Variants in UNC13C observed in about 807,000 individuals in gnomAD.
The protein encoded by UNC13C is unc-13 homolog C, also known as protein unc-13 homolog C.
Under a neutral mutation model 245.4 loss-of-function variants are expected in UNC13C, and 174 were observed. That is an observed-to-expected ratio of 0.71 (90% confidence interval 0.63 to 0.80). UNC13C has a LOEUF of 0.80. Among genes scored for constraint, UNC13C ranks in the 30% least tolerant of loss-of-function variants. The probability of loss-of-function intolerance (pLI) is 0.00; values close to 1 mark genes in which losing one functional copy is unlikely to be tolerated. For synonymous variants in UNC13C, 992 were observed against 895.1 expected, an observed-to-expected ratio of 1.11 and a Z score of -1.93; for missense variants, 2,829 against 2,602.9, an observed-to-expected ratio of 1.09 and a Z score of -1.89.
intron 20 of UNC13C, among the ~76,000 whole-genome samples, chr15:54,498,355 T>C (rs1044294786): frequency 6.6e-6 from 1 of 152,034 alleles, no homozygotes; most frequent in African/African-American, 2.4e-5. Flanking sequence ...CACTGTAGAA[T>C]TAAGACACAA....
At chr15:54,400,882 T>C (rs472202) in intron 18 of UNC13C, among the ~76,000 whole-genome samples, 114,567 of 151,974 alleles carry the variant, frequency 0.75, 43,512 homozygotes, top group Admixed American at 0.82. Context: ...GTATGTCTCC[T>C]AATGTTAAGA....
At chr15:54,168,743 A>G (rs1884616612) in intron 4 of UNC13C, among the ~76,000 whole-genome samples, 3 of 152,324 alleles carry the variant, frequency 2.0e-5, no homozygotes, top group East Asian at 3.9e-4. Context: ...GAGTTCTAGG[A>G]TTATATTGGA....
chr15:54,013,857 G>C lies in UNC13C; in HGVS notation c.954G>C (p.Lys318Asn). The C allele has an allele frequency of 3.1e-6, 5 of 1,613,502 alleles. No homozygotes were observed. Among genetic ancestry groups the C allele is most frequent in the Non-Finnish European group, 3.4e-6 (4 of 1,179,722 alleles). The change falls in exon 2 of 33, where the codon AAG (lysine) becomes AAC (asparagine). Residue 318 changes from lysine to asparagine, a missense_variant. Transcript: ENST00000260323. ...YIKHLGHMGS[K>N]ASLRFLNVTE... is the part of the protein sequence containing the mutation. ...AGCACTTAGGTCATATGGGTAGCAA[G>C]GCAAGCCTGAGATTTTTAAATGTGA...
chr15:53,873,923 TCTTCCTTC>T, the UNC13C span, among the ~76,000 whole-genome samples: 745 of 47,592 alleles, frequency 0.016, 4 homozygotes, highest in Admixed American at 0.039. Context: ...TTCCTTCCTT[TCTTCCTTC>T]CTTCCTTCCT....
chr15:54,086,979 C>G (rs1288369920), intron 2 of UNC13C, among the ~76,000 whole-genome samples: 1 of 151,876 alleles, frequency 6.6e-6, no homozygotes, highest in Non-Finnish European at 1.5e-5. Context: ...CATGATCCAC[C>G]CACCTCAGCC....
At chr15:53,914,999 C>T in the UNC13C span, among the ~76,000 whole-genome samples, 2 of 152,096 alleles carry the variant, frequency 1.3e-5, no homozygotes, top group Non-Finnish European at 2.9e-5. Flanking sequence ...AAGAAGGGTG[C>T]CGGGGAATGT....
At chr15:54,324,879 C>T (rs965712891) in intron 14 of UNC13C, among the ~76,000 whole-genome samples, 2 of 152,008 alleles carry the variant, frequency 1.3e-5, no homozygotes, top group African/African-American at 2.4e-5. Context: ...ACCCACAGCC[C>T]GTGGGCCACA....
intron 17 of UNC13C, among the ~76,000 whole-genome samples, chr15:54,356,269 G>A (rs932667866): frequency 6.6e-6 from 1 of 152,092 alleles, no homozygotes; most frequent in Non-Finnish European, 1.5e-5. Flanking sequence ...TGGAACAAAT[G>A]TCATATAGAT....
At chr15:53,927,694 A>G in the UNC13C span, among the ~76,000 whole-genome samples, 1 of 152,284 alleles carries the variant, frequency 6.6e-6, no homozygotes. Flanking sequence ...TAGATTTGGG[A>G]GTCATCAGTA....
intron 19 of UNC13C, among the ~76,000 whole-genome samples, chr15:54,450,669 C>G (rs1240542618): frequency 6.6e-6 from 1 of 152,208 alleles, no homozygotes; most frequent in Non-Finnish European, 1.5e-5. Context: ...TGCGGTCTGT[C>G]ACAGCTTTGC....
intron 20 of UNC13C, among the ~76,000 whole-genome samples, chr15:54,499,674 T>A (rs979410140): frequency 7.9e-5 from 12 of 151,802 alleles, no homozygotes; most frequent in African/African-American, 2.7e-4. Flanking sequence ...AACTAAGGAG[T>A]CTGAGGTAAG....
In UNC13C at chr15:54,038,124, A is replaced by ATATATATATATTTTTTTTTT; in HGVS notation, c.2983+22239_2983+22240insATATATATATTTTTTTTTTT. 2.7e-4 allele frequency among the ~76,000 whole-genome samples: 12 copies of ATATATATATATTTTTTTTTT among 45,030 alleles called. 1 individual carries two copies. In the East Asian group the frequency reaches 3.2e-3, roughly 12 times the overall value. The allele number at this position is 45,030 out of a possible 152,430, so 29.5% of individuals were successfully genotyped here. ...CATATATATATATATATATATATATATTTTTTTTTTTTTTTTCCTGAGACA... is the reference window on the plus strand; with the variant it reads ...CATATATATATATATATATATATATATATATATATATTTTTTTTTTTTTTTTTTTTTTTTTTCCTGAGACA... On this transcript the variant is annotated intron_variant, in intron 2 of 32. Transcript: ENST00000260323.
intron 17 of UNC13C, among the ~76,000 whole-genome samples, chr15:54,368,147 G>C (rs1596291949): frequency 6.6e-6 from 1 of 152,116 alleles, no homozygotes; most frequent in East Asian, 1.9e-4. Flanking sequence ...TTACTAGCCA[G>C]AGTTTCTTAC....
At chr15:54,499,158 C>A (rs1894087437) in intron 20 of UNC13C, among the ~76,000 whole-genome samples, 1 of 151,990 alleles carries the variant, frequency 6.6e-6, no homozygotes, top group Admixed American at 6.6e-5. Flanking sequence ...TCAATCATGG[C>A]AAAAGGCAAA....
chr15:54,079,485 CTTTCATCATTGT>C (rs1377208728), intron 2 of UNC13C, among the ~76,000 whole-genome samples: 1 of 151,768 alleles, frequency 6.6e-6, no homozygotes, highest in African/African-American at 2.4e-5. Flanking sequence ...CTTATGATTT[CTTTCATCATTGT>C]TTTATGGTTC....
chr15:54,535,903 A>G (rs1251674761), intron 26 of UNC13C, among the ~76,000 whole-genome samples: 2 of 152,158 alleles, frequency 1.3e-5, no homozygotes, highest in Non-Finnish European at 2.9e-5. Context: ...GAAATTATCA[A>G]TTTAACAACC....
In UNC13C at chr15:54,384,515, A is replaced by G. The variant is rs114699465; in HGVS notation, c.4714-8533A>G. Among the ~76,000 whole-genome samples the G allele has an allele frequency of 9.4e-3, 1,430 of 152,136 alleles. 30 individuals are homozygous for G. Among genetic ancestry groups the G allele is most frequent in the African/African-American group, 0.033 (1,356 of 41,556 alleles). On this transcript the variant is annotated intron_variant, in intron 17 of 32. Coordinates refer to ENST00000260323, the MANE Select transcript of UNC13C (RefSeq NM_001080534.3). ...CGTATACAAAAGGCAACTCAATATG[A>G]ACATGTTAAACCTGAAATTATAAAA...
At chr15:53,964,983 G>A in the UNC13C span, among the ~76,000 whole-genome samples, 38 of 152,144 alleles carry the variant, frequency 2.5e-4, no homozygotes, top group Admixed American at 1.8e-3. Flanking sequence ...CAATTGTTCA[G>A]AAAAACAATG....
intron 4 of UNC13C, among the ~76,000 whole-genome samples, chr15:54,180,014 A>G (rs1451291215): frequency 1.3e-5 from 2 of 152,150 alleles, no homozygotes; most frequent in Admixed American, 6.5e-5. Context: ...CTAGAATTTT[A>G]TTGACTTTAT....
Sources: allele counts gnomAD v4.1 joint callset (sites outside exome capture counted in the v4.1 genomes callset), GRCh38; gene constraint gnomAD v4.1.1; transcripts MANE v1.5; gene names NCBI Gene and HGNC (gene_info 2026-07-23, HGNC 2026-07-21).